The following CDH13 variants were observed in gnomAD, a reference collection of about 807,000 sequenced individuals.
CDH13 encodes the protein cadherin-13.
A neutral mutation model predicts 63.8 loss-of-function variants in CDH13; 24 were observed. The ratio of observed to expected loss-of-function variants is 0.38; its 90% CI spans 0.27 to 0.53. The LOEUF (loss-of-function observed/expected upper bound fraction) is 0.53. Ranked by LOEUF, CDH13 falls within the 20% of genes least tolerant of loss-of-function variation. CDH13 has a pLI of 0.85. For missense variants in CDH13, 1,049 were observed against 903.1 expected, an observed-to-expected ratio of 1.16 and a Z score of -2.07; for synonymous variants, 503 against 355.3, an observed-to-expected ratio of 1.42 and a Z score of -4.67.
chr16:83,679,954 C>G (rs537407874), intron 10 of CDH13, among the ~76,000 whole-genome samples: 3 of 152,094 alleles, frequency 2.0e-5, no homozygotes, highest in Non-Finnish European at 4.4e-5. Flanking sequence ...GTCTGGGACC[C>G]AGGACTAGAT....
At chr16:83,115,015 G>T (rs1359645047) in intron 3 of CDH13, among the ~76,000 whole-genome samples, 1 of 152,190 alleles carries the variant, frequency 6.6e-6, no homozygotes, top group Non-Finnish European at 1.5e-5. Flanking sequence ...GCTCCTTTTA[G>T]CCAGGGGCTG....
chr16:83,654,758 C>G (rs1912708213), intron 8 of CDH13: 1 of 152,254 alleles, frequency 6.6e-6, no homozygotes, highest in Non-Finnish European at 1.5e-5. Context: ...TCATTCGTCC[C>G]CTTTCTGCAT....
intron 2 of CDH13, among the ~76,000 whole-genome samples, chr16:82,980,811 ATC>A (rs1486888585): frequency 1.3e-5 from 2 of 152,186 alleles, no homozygotes; most frequent in African/African-American, 4.8e-5. Flanking sequence ...TCAAGAAAAT[ATC>A]TGTTTGTTTC....
intron 10 of CDH13, among the ~76,000 whole-genome samples, chr16:83,679,287 G>A (rs571641527): frequency 5.4e-4 from 82 of 152,198 alleles, no homozygotes; most frequent in Non-Finnish European, 1.0e-3. Flanking sequence ...TCAGCGTGCA[G>A]ATCCAAATGC....
At chr16:82,751,982 C>A (rs1443033805) in intron 1 of CDH13, among the ~76,000 whole-genome samples, 1 of 152,136 alleles carries the variant, frequency 6.6e-6, no homozygotes, top group Non-Finnish European at 1.5e-5. Flanking sequence ...AGGCTAAACG[C>A]CAACAAACAA....
intron 3 of CDH13, among the ~76,000 whole-genome samples, chr16:83,118,497 G>A (rs910977016): frequency 2.6e-5 from 4 of 152,176 alleles, no homozygotes; most frequent in African/African-American, 9.7e-5. Context: ...GCTGGAAGGG[G>A]CTGCGTGTCT....
At chr16:82,840,032 C>A (rs1292654200) in intron 1 of CDH13, among the ~76,000 whole-genome samples, 1 of 152,116 alleles carries the variant, frequency 6.6e-6, no homozygotes, top group East Asian at 1.9e-4. Flanking sequence ...AGTTATGTTC[C>A]TTCAAACTAT....
At chr16:83,055,831 G>T (rs547101414) in intron 3 of CDH13, among the ~76,000 whole-genome samples, 1 of 152,116 alleles carries the variant, frequency 6.6e-6, no homozygotes, top group Non-Finnish European at 1.5e-5. Flanking sequence ...TCTAATGAAT[G>T]TATATGAGAA....
intron 1 of CDH13, among the ~76,000 whole-genome samples, chr16:82,757,246 A>G (rs4783266): frequency 0.78 from 118,241 of 152,120 alleles, 46,667 homozygotes; most frequent in African/African-American, 0.92. Context: ...CCTTGTTCAG[A>G]TTTGGCTTGA....
At chr16:83,611,254 A>G (rs1908835848) in intron 8 of CDH13, among the ~76,000 whole-genome samples, 1 of 152,020 alleles carries the variant, frequency 6.6e-6, no homozygotes, top group Admixed American at 6.6e-5. Context: ...CTCTCTCTGA[A>G]TGAAGGTAGA....
At chr16:83,419,657 A>G (rs1012454369) in intron 6 of CDH13, among the ~76,000 whole-genome samples, 1 of 152,238 alleles carries the variant, frequency 6.6e-6, no homozygotes, top group Non-Finnish European at 1.5e-5. Flanking sequence ...ATTCTTGATC[A>G]GCTGCCCAAA....
At chr16:82,704,946 C>A in intron 1 of CDH13, 1 of 345,468 alleles carries the variant, frequency 2.9e-6, no homozygotes, top group East Asian at 7.6e-5. Context: ...TATTGACAGA[C>A]ACCTAAGGCA....
intron 10 of CDH13, among the ~76,000 whole-genome samples, chr16:83,683,631 T>A (rs910446452): frequency 9.2e-5 from 14 of 152,252 alleles, no homozygotes; most frequent in African/African-American, 3.4e-4. Context: ...TGTTGTTGAC[T>A]ATTTACATTG....
At chr16:83,044,749 G>A (rs749176165) in intron 3 of CDH13, among the ~76,000 whole-genome samples, 10 of 152,160 alleles carry the variant, frequency 6.6e-5, no homozygotes, top group Admixed American at 1.3e-4. Flanking sequence ...CTTAGGTCGC[G>A]GTCGTGGAGT....
At chr16:82,903,229 C>T (rs1276750176) in intron 2 of CDH13, among the ~76,000 whole-genome samples, 1 of 152,188 alleles carries the variant, frequency 6.6e-6, no homozygotes, top group Admixed American at 6.5e-5. Flanking sequence ...TAATGAATGC[C>T]TCAATGAAAA....
At chr16:83,326,133 G>A (rs2090354537) in intron 5 of CDH13, among the ~76,000 whole-genome samples, 1 of 152,174 alleles carries the variant, frequency 6.6e-6, no homozygotes, top group African/African-American at 2.4e-5. Context: ...CAGTGTCAGT[G>A]TGCAGGGTCT....
At chr16:83,307,256 C>G (rs1223894941) in intron 5 of CDH13, among the ~76,000 whole-genome samples, 1 of 152,208 alleles carries the variant, frequency 6.6e-6, no homozygotes, top group Non-Finnish European at 1.5e-5. Flanking sequence ...TTCTAGTTCC[C>G]TGGAAAGCAC....
chr16:82,783,883 T>C (rs941628048), intron 1 of CDH13, among the ~76,000 whole-genome samples: 1 of 152,042 alleles, frequency 6.6e-6, no homozygotes, highest in African/African-American at 2.4e-5. Context: ...ATGGAGTTAG[T>C]GGAGGGAAAG....
At chr16:83,548,954 A>G (rs2075439301) in intron 7 of CDH13, among the ~76,000 whole-genome samples, 1 of 152,128 alleles carries the variant, frequency 6.6e-6, no homozygotes. Flanking sequence ...CTTGTGTGTC[A>G]TTTTCTCCTT....
Sources: gnomAD v4.1 joint callset for allele counts (sites outside exome capture counted in the v4.1 genomes callset) on GRCh38, gnomAD v4.1.1 for gene constraint, MANE v1.5 for transcripts, NCBI Gene and HGNC (gene_info 2026-07-23, HGNC 2026-07-21) for gene names.